Variants in COBL observed in about 807,000 individuals in gnomAD.
COBL encodes protein cordon-bleu.
COBL carries 51 observed loss-of-function variants against 98.8 expected under a neutral mutation model. The observed-to-expected ratio is 0.52, with a 90% CI of 0.41 to 0.65. COBL has a LOEUF of 0.65. COBL is among the 30% of genes least tolerant of loss of function. COBL has a pLI of 0.00. For missense variants in COBL, 1,617 were observed against 1,617.5 expected, an observed-to-expected ratio of 1.00 and a Z score of 0.01; for synonymous variants, 634 against 651.7, an observed-to-expected ratio of 0.97 and a Z score of 0.41.
At chr7:51,053,211 A>G (rs768656204) in intron 7 of COBL, among the ~76,000 whole-genome samples, 2 of 152,240 alleles carry the variant, frequency 1.3e-5, no homozygotes, top group Non-Finnish European at 2.9e-5. Context: ...AATTTGAATA[A>G]TACTGACACA....
In COBL at chr7:51,031,274, G is replaced by A. The variant is rs754460711; in HGVS notation, c.1407-365C>T. 2.6e-5 allele frequency: 5 copies of A among 190,610 alleles called. No individual in the cohort carries two copies. In the East Asian group the frequency reaches 4.4e-4, roughly 17 times the overall value. 11.8% of individuals were successfully genotyped at this position (190,610 alleles called of 1,614,324 possible). A position where few individuals can be genotyped will look rare whatever the true frequency, so the allele number is the denominator to read the frequency against. Reference sequence around the variant, plus strand: ...CTGAAGTCAAAGTTTTAATTCCACCGCACAAAAGACGGTTCACGTGATCCA... The same window carrying A: ...CTGAAGTCAAAGTTTTAATTCCACCACACAAAAGACGGTTCACGTGATCCA... On this transcript the variant is annotated intron_variant, in intron 8 of 12. Transcript: ENST00000265136.
In COBL at chr7:51,017,016, CA is replaced by C. The variant is rs755560906; in HGVS notation, c.*534del. The C allele has an allele frequency of 9.9e-6, 4 of 404,600 alleles. No homozygotes were observed. The highest frequency in any genetic ancestry group is 1.7e-5 in the Non-Finnish European group (4 of 230,080). 25.1% of individuals were successfully genotyped at this position (404,600 alleles called of 1,614,324 possible). A position where few individuals can be genotyped will look rare whatever the true frequency, so the allele number is the denominator to read the frequency against. ...AGAATCCAGCAGTTTTACTACCTAA[CA>C]AAGCCACCTTTGAAAAGCCTCCCAA... On this transcript the variant is annotated 3_prime_UTR_variant, in exon 13 of 13. Coordinates refer to ENST00000265136, the MANE Select transcript of COBL (RefSeq NM_015198.5).
At chr7:51,089,448 G>A (rs1229489419) in intron 6 of COBL, among the ~76,000 whole-genome samples, 1 of 152,140 alleles carries the variant, frequency 6.6e-6, no homozygotes, top group African/African-American at 2.4e-5. Flanking sequence ...CTGGGAGATG[G>A]AGGTTGCAGT....
rs185402343 is a variant in COBL at position 51,176,407 on chromosome 7, C to G, written c.783+7695G>C. Among the ~76,000 whole-genome samples, 513 of 150,982 alleles carry G rather than the reference C, an allele frequency of 3.4e-3. 4 individuals carry two copies. The highest frequency in any genetic ancestry group is 0.012 in the African/African-American group (488 of 40,598). On this transcript the variant is annotated intron_variant, in intron 5 of 12. Coordinates refer to ENST00000265136, the MANE Select transcript of COBL (RefSeq NM_015198.5). ...TTTGGGATATATATGTATACACACA[C>G]AGACACACACACACACACACACATA...
At chr7:51,291,116 C>G (rs1213385544) in intron 1 of COBL, among the ~76,000 whole-genome samples, 1 of 152,172 alleles carries the variant, frequency 6.6e-6, no homozygotes, top group Non-Finnish European at 1.5e-5. Context: ...CTGTTAGAGC[C>G]AGCAAGCCAT....
At chr7:51,162,984 G>A (rs555798675) in intron 5 of COBL, among the ~76,000 whole-genome samples, 68 of 152,332 alleles carry the variant, frequency 4.5e-4, no homozygotes, top group Non-Finnish European at 8.2e-4. Flanking sequence ...TAAGCGCTAA[G>A]CTAAGGAAGG....
intron 5 of COBL, among the ~76,000 whole-genome samples, chr7:51,181,325 C>A (rs1334600362): frequency 2.6e-5 from 4 of 152,180 alleles, no homozygotes; most frequent in African/African-American, 9.7e-5. Flanking sequence ...GTGGTCATGT[C>A]CCACACCCGC....
chr7:51,156,192 G>GCACA lies in COBL; in HGVS notation c.784-19865_784-19862dup, dbSNP rs146159564. On this transcript the variant is annotated intron_variant, in intron 5 of 12. Coordinates refer to ENST00000265136, the MANE Select transcript of COBL (RefSeq NM_015198.5). Reference sequence around the variant, plus strand: ...TTTTGTAGTTCAACCAAAATACTCTGCACACACACACACACACACAAAATT... The same window carrying GCACA: ...TTTTGTAGTTCAACCAAAATACTCTGCACACACACACACACACACACACAAAATT... The GCACA allele has an allele frequency of 4.8e-4, 448 of 942,516 alleles. No individual in the cohort carries two copies. In the South Asian group the frequency reaches 4.8e-3, roughly 10 times the overall value. The allele number at this position is 942,516 out of a possible 1,614,324, so 58.4% of individuals were successfully genotyped here.
At chr7:51,199,183 GAC>G (rs1790880331) in intron 2 of COBL, among the ~76,000 whole-genome samples, 1 of 152,156 alleles carries the variant, frequency 6.6e-6, no homozygotes, top group Non-Finnish European at 1.5e-5. Flanking sequence ...CCTGCTGGGA[GAC>G]ACGTCTATTC....
chr7:51,075,266 G>A (rs1792959026), intron 7 of COBL, among the ~76,000 whole-genome samples: 1 of 152,080 alleles, frequency 6.6e-6, no homozygotes, highest in East Asian at 1.9e-4. Context: ...CAATTAACAA[G>A]ACCAATCAAT....
chr7:51,155,711 C>T (rs1359973142), intron 5 of COBL, among the ~76,000 whole-genome samples: 2 of 151,298 alleles, frequency 1.3e-5, no homozygotes, highest in African/African-American at 2.4e-5. Context: ...AAGCTCTACA[C>T]CTATGGGGTA....
intron 6 of COBL, among the ~76,000 whole-genome samples, chr7:51,087,453 C>T (rs867747608): frequency 2.6e-5 from 4 of 151,934 alleles, no homozygotes; most frequent in Admixed American, 1.3e-4. Flanking sequence ...AGTTCTGATC[C>T]TTATGGATAT....
intron 1 of COBL, among the ~76,000 whole-genome samples, chr7:51,296,055 T>C (rs1484579597): frequency 6.6e-6 from 1 of 152,176 alleles, no homozygotes; most frequent in African/African-American, 2.4e-5. Flanking sequence ...ACCCTACAAG[T>C]AGAACTAACT....
intron 1 of COBL, among the ~76,000 whole-genome samples, chr7:51,224,840 T>C (rs979549647): frequency 6.6e-6 from 1 of 152,078 alleles, no homozygotes; most frequent in African/African-American, 2.4e-5. Context: ...CCGGCTAATT[T>C]GGTATTTTTA....
chr7:51,122,249 T>C (rs940658388), intron 6 of COBL, among the ~76,000 whole-genome samples: 3 of 152,232 alleles, frequency 2.0e-5, no homozygotes, highest in Non-Finnish European at 4.4e-5. Flanking sequence ...AGCTCCAGCT[T>C]CCTTTCTCTG....
intron 7 of COBL, among the ~76,000 whole-genome samples, chr7:51,083,776 G>A (rs1793916879): frequency 6.6e-6 from 1 of 152,170 alleles, no homozygotes; most frequent in African/African-American, 2.4e-5. Flanking sequence ...AGAATGTCCT[G>A]AGTTGTAGAG....
At chr7:51,019,981 T>G (rs938133905) in intron 12 of COBL, among the ~76,000 whole-genome samples, 5 of 152,194 alleles carry the variant, frequency 3.3e-5, no homozygotes, top group Non-Finnish European at 7.3e-5. Flanking sequence ...GTCTAATCAT[T>G]TCTTACAAGG....
chr7:51,087,145 T>TACACACACACAC (rs143387311), intron 6 of COBL, among the ~76,000 whole-genome samples: 1 of 148,834 alleles, frequency 6.7e-6, no homozygotes, highest in African/African-American at 2.5e-5. Flanking sequence ...CACAGAGACA[T>TACACACACACAC]ACACACACAC....
chr7:51,302,832 C>T (rs1467130661), intron 1 of COBL, among the ~76,000 whole-genome samples: 5 of 152,060 alleles, frequency 3.3e-5, no homozygotes, highest in Non-Finnish European at 5.9e-5. Flanking sequence ...AATAAATTAC[C>T]ATTTTTAAAG....
Sources: allele counts gnomAD v4.1 joint callset (sites outside exome capture counted in the v4.1 genomes callset), GRCh38; gene constraint gnomAD v4.1.1; transcripts MANE v1.5; gene names NCBI Gene and HGNC (gene_info 2026-07-23, HGNC 2026-07-21).